Variants in CNTN4 observed in about 807,000 individuals in gnomAD.
CNTN4 encodes the protein contactin 4.
A neutral mutation model predicts 122.5 loss-of-function variants in CNTN4; 77 were observed. That is an observed-to-expected ratio of 0.63 (90% CI 0.52 to 0.76). The LOEUF is 0.76. Ranked by LOEUF, CNTN4 falls within the 30% of genes least tolerant of loss-of-function variation. The probability of loss-of-function intolerance (pLI) is 0.00; values close to 1 mark genes in which losing one functional copy is unlikely to be tolerated. For missense variants in CNTN4, 1,256 were observed against 1,259.1 expected, an observed-to-expected ratio of 1.00 and a Z score of 0.04; for synonymous variants, 512 against 447.0, an observed-to-expected ratio of 1.15 and a Z score of -1.83.
At chr3:2,186,175 G>A (rs567092129) in intron 2 of CNTN4, among the ~76,000 whole-genome samples, 1 of 148,870 alleles carries the variant, frequency 6.7e-6, no homozygotes, top group Non-Finnish European at 1.5e-5. Context: ...GTGAGAACAT[G>A]CAGTGTTTGG....
intron 2 of CNTN4, among the ~76,000 whole-genome samples, chr3:2,114,462 AAAATAAATAAATAAAATTAAG>A (rs1277977973): frequency 6.6e-6 from 1 of 152,124 alleles, no homozygotes; most frequent in African/African-American, 2.4e-5. Context: ...CTTGTCTCAA[AAAATAAATAAATAAAATTAAG>A]AAAGAGGGTA....
chr3:2,648,441 C>T (rs1462364922), intron 4 of CNTN4, among the ~76,000 whole-genome samples: 1 of 152,148 alleles, frequency 6.6e-6, no homozygotes, highest in African/African-American at 2.4e-5. Context: ...GTAATTGTCA[C>T]AATAGTTCAA....
At chr3:2,348,611 T>A (rs2044493657) in intron 3 of CNTN4, among the ~76,000 whole-genome samples, 1 of 152,192 alleles carries the variant, frequency 6.6e-6, no homozygotes, top group African/African-American at 2.4e-5. Context: ...TTTTTTAAAT[T>A]GTTTTACTTA....
intron 2 of CNTN4, among the ~76,000 whole-genome samples, chr3:2,259,834 G>C (rs73101956): frequency 6.6e-6 from 1 of 152,014 alleles, no homozygotes; most frequent in Admixed American, 6.6e-5. Flanking sequence ...ATCAGACCTG[G>C]GGTTCACATC....
chr3:2,540,218 T>A (rs192038903), intron 3 of CNTN4, among the ~76,000 whole-genome samples: 1 of 152,064 alleles, frequency 6.6e-6, no homozygotes, highest in Non-Finnish European at 1.5e-5. Context: ...TTTGGAAGTT[T>A]ATTTCCTTTT....
intron 13 of CNTN4, among the ~76,000 whole-genome samples, chr3:2,981,349 C>T (rs577240544): frequency 1.5e-3 from 224 of 151,752 alleles, no homozygotes; most frequent in South Asian, 0.011. Context: ...GAGGCTGAGG[C>T]GGGAGAATGG....
intron 12 of CNTN4, among the ~76,000 whole-genome samples, chr3:2,909,444 T>C (rs1036930598): frequency 4.6e-5 from 7 of 151,998 alleles, no homozygotes; most frequent in African/African-American, 1.4e-4. Context: ...TTTCTCTTAG[T>C]ATCCATACCA....
At chr3:2,914,670 G>C (rs1488476241) in intron 12 of CNTN4, among the ~76,000 whole-genome samples, 1 of 152,166 alleles carries the variant, frequency 6.6e-6, no homozygotes, top group Non-Finnish European at 1.5e-5. Context: ...AAAATCCCTG[G>C]ACCAAATGCC....
At chr3:3,037,444 C>T (rs1352805120) in intron 18 of CNTN4, 116 bp downstream of exon 18, 2 of 1,365,748 alleles carry the variant, frequency 1.5e-6, no homozygotes, top group South Asian at 1.2e-5. Flanking sequence ...GCTCACCCTT[C>T]CCTTTAAATG....
chr3:2,398,758 A>T (rs1285404877), intron 3 of CNTN4, among the ~76,000 whole-genome samples: 1 of 152,168 alleles, frequency 6.6e-6, no homozygotes, highest in East Asian at 1.9e-4. Flanking sequence ...AGTTCCCTGA[A>T]ACACTTGGAA....
chr3:2,834,931 GTCTC>G (rs1411246227), intron 7 of CNTN4, among the ~76,000 whole-genome samples: 1 of 50,754 alleles, frequency 2.0e-5, no homozygotes, highest in African/African-American at 1.1e-4. Context: ...TTGAGACTGA[GTCTC>G]TCTCTGTCGC....
intron 7 of CNTN4, among the ~76,000 whole-genome samples, chr3:2,845,216 C>G (rs779523150): frequency 4.6e-5 from 7 of 152,078 alleles, no homozygotes; most frequent in Admixed American, 2.0e-4. Flanking sequence ...AATTCATACT[C>G]TAGTATAATT....
chr3:2,571,656 G>C, intron 4 of CNTN4, 98 bp downstream of exon 4: 2 of 870,334 alleles, frequency 2.3e-6, no homozygotes, highest in Non-Finnish European at 2.0e-6. Context: ...TGATAAAATC[G>C]CAAGAGTATA....
intron 14 of CNTN4, among the ~76,000 whole-genome samples, chr3:3,006,040 C>A (rs112492005): frequency 6.6e-6 from 1 of 152,008 alleles, no homozygotes; most frequent in South Asian, 2.1e-4. Context: ...CGCCCACCCC[C>A]ACGCTCGGCT....
At chr3:2,929,566 A>T (rs1243541799) in intron 13 of CNTN4, among the ~76,000 whole-genome samples, 1 of 152,196 alleles carries the variant, frequency 6.6e-6, no homozygotes, top group Non-Finnish European at 1.5e-5. Context: ...GATGGATTGC[A>T]ACTGCAGGTA....
intron 6 of CNTN4, among the ~76,000 whole-genome samples, chr3:2,803,494 G>A (rs1033303080): frequency 1.1e-4 from 16 of 151,964 alleles, no homozygotes; most frequent in Non-Finnish European, 1.5e-4. Context: ...TAGCAAGTAA[G>A]TGGGAAAAGA....
intron 3 of CNTN4, among the ~76,000 whole-genome samples, chr3:2,509,246 C>CA (rs1156552556): frequency 6.6e-6 from 1 of 152,194 alleles, no homozygotes; most frequent in African/African-American, 2.4e-5. Context: ...CAGAACCTCA[C>CA]ACGAGCTGCG....
intron 3 of CNTN4, among the ~76,000 whole-genome samples, chr3:2,423,345 G>A (rs2047682126): frequency 6.6e-6 from 1 of 152,138 alleles, no homozygotes; most frequent in Admixed American, 6.5e-5. Flanking sequence ...AAGCTCAGAT[G>A]CACAAACATG....
chr3:2,533,217 T>TATACA (rs1463579110), intron 3 of CNTN4, among the ~76,000 whole-genome samples: 1 of 151,926 alleles, frequency 6.6e-6, no homozygotes, highest in African/African-American at 2.4e-5. Context: ...ATGTGCCATG[T>TATACA]TGGTGTGCTG....
Sources: gnomAD v4.1 joint callset for allele counts (sites outside exome capture counted in the v4.1 genomes callset) on GRCh38, gnomAD v4.1.1 for gene constraint, MANE v1.5 for transcripts, NCBI Gene and HGNC (gene_info 2026-07-23, HGNC 2026-07-21) for gene names.